DLGAP2: variants seen among roughly 807,000 people sequenced by gnomAD.
The protein encoded by DLGAP2 is disks large-associated protein 2.
Under a neutral mutation model 100.3 loss-of-function variants are expected in DLGAP2, and 26 were observed. The observed-to-expected ratio is 0.26, with a 90% CI of 0.19 to 0.36. The LOEUF is 0.36. DLGAP2 is among the 10% of genes least tolerant of loss of function. The pLI is 1.00. For missense variants in DLGAP2, 1,858 were observed against 1,453.2 expected (o/e 1.28, Z -4.53); for synonymous variants, 886 against 630.1 (o/e 1.41, Z -6.08).
intron 2 of DLGAP2, among the ~76,000 whole-genome samples, chr8:990,345 T>C (rs1344509889): frequency 7.2e-6 from 1 of 139,542 alleles, no homozygotes; most frequent in African/African-American, 2.7e-5. Context: ...GTTCCTGTTC[T>C]TCTCTCCCTC....
intron 2 of DLGAP2, among the ~76,000 whole-genome samples, chr8:1,145,513 C>G (rs1049740420): frequency 2.6e-5 from 4 of 152,302 alleles, no homozygotes; most frequent in African/African-American, 9.6e-5. Flanking sequence ...ACAGACCCCT[C>G]TCCTCCTTCC....
chr8:1,444,957 A>T (rs1797942685), intron 3 of DLGAP2, among the ~76,000 whole-genome samples: 1 of 151,128 alleles, frequency 6.6e-6, no homozygotes, highest in Non-Finnish European at 1.5e-5. Context: ...TTTTTAGTAG[A>T]GACAGGGTTT....
At chr8:1,329,439 A>C (rs778672402) in intron 3 of DLGAP2, among the ~76,000 whole-genome samples, 33 of 152,324 alleles carry the variant, frequency 2.2e-4, no homozygotes, top group Middle Eastern at 3.4e-3. Context: ...ATTTTAGACC[A>C]AAATATTATT....
At chr8:1,191,173 A>ATTT (rs34977390) in intron 2 of DLGAP2, among the ~76,000 whole-genome samples, 27 of 140,366 alleles carry the variant, frequency 1.9e-4, no homozygotes, top group African/African-American at 7.2e-4. Context: ...AAGTAGATAC[A>ATTT]TTTTTTTTTT....
chr8:907,843 A>G (rs1459799983), intron 1 of DLGAP2, 69 bp from the exon 2 acceptor site: 1 of 398,166 alleles, frequency 2.5e-6, no homozygotes, highest in East Asian at 3.6e-5. Context: ...AACACTCGCA[A>G]CAGTTAATGA....
intron 2 of DLGAP2, among the ~76,000 whole-genome samples, chr8:1,029,520 G>C (rs1246290467): frequency 6.6e-6 from 1 of 151,902 alleles, no homozygotes; most frequent in Non-Finnish European, 1.5e-5. Flanking sequence ...GCGGTGCCGA[G>C]AGGTTCGGGT....
chr8:1,068,316 T>G (rs1202713932), intron 2 of DLGAP2, among the ~76,000 whole-genome samples: 1 of 152,228 alleles, frequency 6.6e-6, no homozygotes, highest in African/African-American at 2.4e-5. Context: ...TGGGTAAATA[T>G]GAAGGCATGC....
At chr8:1,262,573 C>T (rs947902247) in intron 3 of DLGAP2, 6 of 152,112 alleles carry the variant, frequency 3.9e-5, no homozygotes, top group African/African-American at 1.4e-4. Context: ...TAAATTTACT[C>T]AGAACAATCT....
At chr8:853,437 C>T (rs1015205416) in intron 1 of DLGAP2, among the ~76,000 whole-genome samples, 13 of 152,228 alleles carry the variant, frequency 8.5e-5, no homozygotes, top group African/African-American at 2.7e-4. Context: ...AGCAGGAGAG[C>T]AGGTGTGTGG....
intron 2 of DLGAP2, among the ~76,000 whole-genome samples, chr8:1,040,891 T>C (rs1802327276): frequency 6.6e-6 from 1 of 152,180 alleles, no homozygotes; most frequent in Non-Finnish European, 1.5e-5. Context: ...CGCACCCTCA[T>C]TCCTGGAGCT....
intron 3 of DLGAP2, among the ~76,000 whole-genome samples, chr8:1,328,051 T>C (rs974700982): frequency 3.4e-4 from 52 of 152,000 alleles, no homozygotes; most frequent in African/African-American, 1.2e-3. Flanking sequence ...TATAGTTGTT[T>C]TTTTTGGAGA....
intron 2 of DLGAP2, among the ~76,000 whole-genome samples, chr8:940,543 A>G (rs1008030676): frequency 4.6e-5 from 7 of 152,138 alleles, no homozygotes; most frequent in African/African-American, 1.4e-4. Context: ...ATCCGTGTCC[A>G]TGACATGCGG....
chr8:1,384,411 T>C (rs1205221653), intron 3 of DLGAP2, among the ~76,000 whole-genome samples: 3 of 95,166 alleles, frequency 3.2e-5, no homozygotes, highest in African/African-American at 1.1e-4. Flanking sequence ...GGTGCTCAGT[T>C]ACCCCGGCCT....
intron 1 of DLGAP2, among the ~76,000 whole-genome samples, chr8:825,219 G>A (rs1354908504): frequency 5.3e-5 from 8 of 152,320 alleles, no homozygotes; most frequent in South Asian, 2.1e-4. Flanking sequence ...TGCCCTGGAC[G>A]CCTGAGAACC....
At position 1,705,646 on chromosome 8, in the gene DLGAP2, C is replaced by T. The variant is rs761284090; in HGVS notation, c.*4240C>T. 1 of 152,262 alleles carries T rather than the reference C, an allele frequency of 6.6e-6. No homozygotes were observed. The highest frequency in any genetic ancestry group is 1.5e-5 in the Non-Finnish European group (1 of 68,080). 9.4% of individuals were successfully genotyped at this position (152,262 alleles called of 1,614,324 possible). On this transcript the variant is annotated 3_prime_UTR_variant, in exon 15 of 15. Coordinates refer to ENST00000637795, the MANE Select transcript of DLGAP2 (RefSeq NM_001346810.2). Reference sequence around the variant, plus strand: ...AGAAACACGCTTCTCCAACACGGGCCGAAATAACTAAACTCCACATGGTTC... The same window carrying T: ...AGAAACACGCTTCTCCAACACGGGCTGAAATAACTAAACTCCACATGGTTC...
At chr8:1,208,182 A>G (rs1213087417) in intron 2 of DLGAP2, among the ~76,000 whole-genome samples, 3 of 152,146 alleles carry the variant, frequency 2.0e-5, no homozygotes, top group Non-Finnish European at 2.9e-5. Flanking sequence ...CTTCTAGAAT[A>G]TTTAGGGTTT....
intron 3 of DLGAP2, among the ~76,000 whole-genome samples, chr8:1,494,336 T>G (rs147497063): frequency 1.2e-3 from 177 of 152,358 alleles, no homozygotes; most frequent in African/African-American, 4.0e-3. Context: ...GAAGACGCAA[T>G]TGTGCTTTGA....
At chr8:1,651,610 G>A (rs759058460) in intron 8 of DLGAP2, among the ~76,000 whole-genome samples, 2 of 152,108 alleles carry the variant, frequency 1.3e-5, no homozygotes, top group African/African-American at 2.4e-5. Context: ...CACTCCTGCC[G>A]GGCTCCTGCC....
chr8:959,350 G>A (rs529521564), intron 2 of DLGAP2, among the ~76,000 whole-genome samples: 2 of 152,290 alleles, frequency 1.3e-5, no homozygotes, highest in African/African-American at 2.4e-5. Flanking sequence ...CCACTGTCAC[G>A]GATGAGCCAG....
Sources: allele counts gnomAD v4.1 joint callset (sites outside exome capture counted in the v4.1 genomes callset), GRCh38; gene constraint gnomAD v4.1.1; transcripts MANE v1.5; gene names NCBI Gene and HGNC (gene_info 2026-07-23, HGNC 2026-07-21).